Variants in RXFP1 observed in about 807,000 individuals in gnomAD.
The protein encoded by RXFP1 is relaxin family peptide receptor 1.
RXFP1 carries 73 observed loss-of-function variants against 89.8 expected under a neutral mutation model. The ratio of observed to expected loss-of-function variants is 0.81; its 90% CI spans 0.67 to 0.99. The LOEUF (loss-of-function observed/expected upper bound fraction) is 0.99. Ranked by LOEUF, RXFP1 falls within the 50% of genes least tolerant of loss-of-function variation. The pLI is 0.00. For missense variants in RXFP1, 793 were observed against 895.5 expected, an observed-to-expected ratio of 0.89 and a Z score of 1.46; for synonymous variants, 277 against 305.5, an observed-to-expected ratio of 0.91 and a Z score of 0.97.
intron 1 of RXFP1, among the ~76,000 whole-genome samples, chr4:158,530,065 C>G (rs553379462): frequency 1.3e-5 from 2 of 152,034 alleles, no homozygotes; most frequent in South Asian, 4.2e-4. Flanking sequence ...AAGTTATGAC[C>G]CTGCAGTTTC....
intron 15 of RXFP1, among the ~76,000 whole-genome samples, chr4:158,645,948 A>C (rs949417538): frequency 3.9e-5 from 6 of 152,200 alleles, no homozygotes; most frequent in African/African-American, 4.8e-5. Context: ...AATTTTTAGT[A>C]AGTTCAATTT....
At chr4:158,526,829 T>G (rs941559343) in intron 1 of RXFP1, among the ~76,000 whole-genome samples, 1 of 152,226 alleles carries the variant, frequency 6.6e-6, no homozygotes, top group African/African-American at 2.4e-5. Context: ...ACGGTACTCT[T>G]GGGACTTTTC....
At chr4:158,601,609 T>A (rs1300485380) in intron 4 of RXFP1, among the ~76,000 whole-genome samples, 1 of 152,232 alleles carries the variant, frequency 6.6e-6, no homozygotes, top group African/African-American at 2.4e-5. Context: ...TCCCAGTCTG[T>A]TCAGTTCCAT....
At chr4:158,566,284 C>G (rs182346290) in intron 1 of RXFP1, among the ~76,000 whole-genome samples, 34 of 152,306 alleles carry the variant, frequency 2.2e-4, no homozygotes, top group Non-Finnish European at 4.9e-4. Flanking sequence ...AACTTACTTT[C>G]AAATGGTGGG....
intron 1 of RXFP1, among the ~76,000 whole-genome samples, chr4:158,570,531 A>T (rs1400843786): frequency 6.6e-6 from 1 of 151,934 alleles, no homozygotes; most frequent in Non-Finnish European, 1.5e-5. Context: ...GTCCATTTCC[A>T]TTCTACCCCT....
intron 1 of RXFP1, among the ~76,000 whole-genome samples, chr4:158,548,065 T>C (rs931575918): frequency 5.3e-5 from 8 of 152,178 alleles, no homozygotes; most frequent in Non-Finnish European, 8.8e-5. Flanking sequence ...AAGTCTCCCA[T>C]TATTATTATG....
chr4:158,629,781 T>G (rs866998132), intron 11 of RXFP1, among the ~76,000 whole-genome samples: 26 of 152,118 alleles, frequency 1.7e-4, no homozygotes, highest in South Asian at 8.3e-4. Context: ...CACACCACCA[T>G]GCCCAGCCAA....
chr4:158,542,109 A>ATATATATATATATATATTTTTTTTTT, intron 1 of RXFP1, among the ~76,000 whole-genome samples: 1 of 35,254 alleles, frequency 2.8e-5, no homozygotes, highest in African/African-American at 9.3e-5. Context: ...ATATATATAT[A>ATATATATATATATATATTTTTTTTTT]TTTTTTTTTT....
intron 1 of RXFP1, among the ~76,000 whole-genome samples, chr4:158,547,777 T>A (rs1560986722): frequency 6.6e-6 from 1 of 152,230 alleles, no homozygotes; most frequent in Non-Finnish European, 1.5e-5. Flanking sequence ...AGTTTCTTAG[T>A]CCTGAGTTCT....
chr4:158,613,755 T>G (rs768304194), intron 8 of RXFP1, among the ~76,000 whole-genome samples: 87 of 152,230 alleles, frequency 5.7e-4, no homozygotes, highest in Non-Finnish European at 1.1e-3. Context: ...ATGTGAATAT[T>G]TTGACCTTGT....
chr4:158,577,015 CTT>C (rs2150012595), intron 2 of RXFP1, among the ~76,000 whole-genome samples: 1 of 11,692 alleles, frequency 8.6e-5, no homozygotes, highest in Non-Finnish European at 7.6e-4. Context: ...CTGTTCTTTT[CTT>C]CTTCTTCTTC....
intron 1 of RXFP1, among the ~76,000 whole-genome samples, chr4:158,571,726 TA>T (rs1226540996): frequency 7.7e-6 from 1 of 129,242 alleles, no homozygotes; most frequent in Non-Finnish European, 1.6e-5. Flanking sequence ...TTTCCTTTAA[TA>T]AAAAGCAGCC....
Position 158,572,680 on chromosome 4 carries a change from TTC to T in RXFP1, c.50-15_50-14del, listed in dbSNP as rs745880138. ...ATTAACCACCTTCAAACTTTGTGTCTTCTCCCCTTTTCCTCAGTTTCTCATGG... is the reference window on the plus strand; with the variant it reads ...ATTAACCACCTTCAAACTTTGTGTCTTCCCCTTTTCCTCAGTTTCTCATGG... On this transcript the variant is annotated splice_polypyrimidine_tract_variant and intron_variant, in intron 1 of 17. Coordinates refer to ENST00000307765, the MANE Select transcript of RXFP1 (RefSeq NM_021634.4). 4 of 1,613,580 alleles carry T rather than the reference TTC, an allele frequency of 2.5e-6. No individual in the cohort carries two copies. The East Asian group carries it at 8.9e-5, about 36-fold the overall frequency.
At chr4:158,584,318 C>T (rs1182713862) in intron 2 of RXFP1, among the ~76,000 whole-genome samples, 1 of 151,862 alleles carries the variant, frequency 6.6e-6, no homozygotes, top group East Asian at 1.9e-4. Context: ...CCTGTAATCC[C>T]AGCTACTCAG....
chr4:158,628,778 G>C (rs1470744234), intron 11 of RXFP1, 69 bp downstream of exon 11: 1 of 754,686 alleles, frequency 1.3e-6, no homozygotes, highest in Non-Finnish European at 2.1e-6. Flanking sequence ...GTACTTACAT[G>C]TGTTTATACA....
At chr4:158,584,797 C>A (rs1757989768) in intron 2 of RXFP1, among the ~76,000 whole-genome samples, 1 of 152,174 alleles carries the variant, frequency 6.6e-6, no homozygotes, top group African/African-American at 2.4e-5. Flanking sequence ...CAGGAATCTG[C>A]ATTTTTTTAA....
intron 1 of RXFP1, among the ~76,000 whole-genome samples, chr4:158,549,025 G>A (rs1485364943): frequency 2.6e-5 from 4 of 151,612 alleles, no homozygotes; most frequent in Non-Finnish European, 5.9e-5. Context: ...AAGTTCTCCT[G>A]GATAATATCC....
At chr4:158,635,524 C>A (rs1384661684) in intron 12 of RXFP1, among the ~76,000 whole-genome samples, 1 of 151,720 alleles carries the variant, frequency 6.6e-6, no homozygotes, top group African/African-American at 2.4e-5. Context: ...TTTTTTCTTG[C>A]CGAATTGTTC....
chr4:158,639,075 C>T (rs755462962), intron 13 of RXFP1, among the ~76,000 whole-genome samples, 185 bp from the exon 14 acceptor site: 21 of 151,888 alleles, frequency 1.4e-4, no homozygotes, highest in Admixed American at 3.9e-4. Context: ...GAAGATAATA[C>T]GTGTATAAAT....
Sources: gnomAD v4.1 joint callset for allele counts (sites outside exome capture counted in the v4.1 genomes callset) on GRCh38, gnomAD v4.1.1 for gene constraint, MANE v1.5 for transcripts, NCBI Gene and HGNC (gene_info 2026-07-23, HGNC 2026-07-21) for gene names.